CPHXL2: variants seen among roughly 807,000 people sequenced by gnomAD.
The protein encoded by CPHXL2 is cytoplasmic polyadenylated homeobox-like protein 2.
At chr16:75,668,517 G>A in the CPHXL2 span, among the ~76,000 whole-genome samples, 20 of 152,166 alleles carry the variant, frequency 1.3e-4, no homozygotes, top group South Asian at 6.2e-4. Context: ...GTAAGCCACC[G>A]CAACAGGCCT....
chr16:75,663,528 C>T, the CPHXL2 span, among the ~76,000 whole-genome samples: 6 of 152,150 alleles, frequency 3.9e-5, no homozygotes, highest in Non-Finnish European at 8.8e-5. Flanking sequence ...GCCACACCTG[C>T]CTCATTATAC....
the CPHXL2 span, among the ~76,000 whole-genome samples, chr16:75,665,651 T>G: frequency 6.6e-6 from 1 of 152,112 alleles, no homozygotes; most frequent in Non-Finnish European, 1.5e-5. Flanking sequence ...TCACTTGAGG[T>G]CAAGAGTTTG....
At chr16:75,664,642 AGAAAGAAAG>A in the CPHXL2 span, among the ~76,000 whole-genome samples, 1 of 146,016 alleles carries the variant, frequency 6.8e-6, no homozygotes, top group African/African-American at 2.6e-5. Context: ...AAAAAAAAAA[AGAAAGAAAG>A]AAAAACAAAC....
the CPHXL2 span, among the ~76,000 whole-genome samples, chr16:75,674,976 G>A: frequency 6.6e-6 from 1 of 151,758 alleles, no homozygotes; most frequent in Non-Finnish European, 1.5e-5. Flanking sequence ...AGATCACAAG[G>A]TCAGGAGTTC....
chr16:75,671,286 G>C, the CPHXL2 span, among the ~76,000 whole-genome samples: 4 of 150,426 alleles, frequency 2.7e-5, no homozygotes, highest in Non-Finnish European at 4.4e-5. Context: ...CTTGAGCCTG[G>C]GGAAGGCAGG....
At chr16:75,670,337 C>T in the CPHXL2 span, among the ~76,000 whole-genome samples, 15 of 152,240 alleles carry the variant, frequency 9.9e-5, no homozygotes, top group Admixed American at 2.0e-4. Flanking sequence ...ACTGAGGGAA[C>T]GGAATCGGAG....
the CPHXL2 span, among the ~76,000 whole-genome samples, chr16:75,663,650 G>A: frequency 2.0e-5 from 3 of 152,078 alleles, no homozygotes; most frequent in South Asian, 2.1e-4. Flanking sequence ...TTGGGAGGCC[G>A]AGGCAGGTGG....
At chr16:75,669,403 G>A in the CPHXL2 span, 1 of 400,556 alleles carries the variant, frequency 2.5e-6, no homozygotes, top group Non-Finnish European at 4.4e-6. Context: ...GTTGGCCAGT[G>A]TTTTCCTAGT....
At chr16:75,663,930 C>A in the CPHXL2 span, among the ~76,000 whole-genome samples, 14 of 146,818 alleles carry the variant, frequency 9.5e-5, no homozygotes, top group African/African-American at 3.8e-4. Flanking sequence ...CTCTTCAAGT[C>A]TGATAAGAAA....
chr16:75,673,114 G>C, the CPHXL2 span, among the ~76,000 whole-genome samples: 1 of 145,662 alleles, frequency 6.9e-6, no homozygotes, highest in Non-Finnish European at 1.5e-5. Context: ...AAAAGAAAAA[G>C]GGAACCTTGT....
the CPHXL2 span, among the ~76,000 whole-genome samples, chr16:75,667,632 C>T: frequency 6.6e-6 from 1 of 152,178 alleles, no homozygotes; most frequent in African/African-American, 2.4e-5. Context: ...AATTGTAAAG[C>T]CCTTACCACT....
At chr16:75,669,870 C>T in the CPHXL2 span, among the ~76,000 whole-genome samples, 1 of 152,236 alleles carries the variant, frequency 6.6e-6, no homozygotes, top group Admixed American at 6.5e-5. Flanking sequence ...AGTTGAGGCT[C>T]AGATGTGTCC....
chr16:75,662,410 C>T, the CPHXL2 span, among the ~76,000 whole-genome samples: 1 of 145,476 alleles, frequency 6.9e-6, no homozygotes, highest in Admixed American at 7.0e-5. Flanking sequence ...TGGTGATCAA[C>T]TTAACCATCA....
the CPHXL2 span, among the ~76,000 whole-genome samples, chr16:75,661,792 A>G: frequency 6.6e-6 from 1 of 152,092 alleles, no homozygotes; most frequent in African/African-American, 2.4e-5. Context: ...TTATTTATTG[A>G]CCATATATTT....
chr16:75,673,178 T>G, the CPHXL2 span, among the ~76,000 whole-genome samples: 429 of 151,388 alleles, frequency 2.8e-3, 1 homozygote, highest in African/African-American at 9.8e-3. Flanking sequence ...CGCATGCCTG[T>G]AATCCCAGCA....
At chr16:75,663,814 A>G in the CPHXL2 span, among the ~76,000 whole-genome samples, 570 of 143,750 alleles carry the variant, frequency 4.0e-3, 4 homozygotes, top group African/African-American at 0.014. Context: ...TGAACCTGGG[A>G]GGCGGAGCTT....
chr16:75,666,499 G>T, the CPHXL2 span, among the ~76,000 whole-genome samples: 2 of 151,274 alleles, frequency 1.3e-5, no homozygotes, highest in Non-Finnish European at 2.9e-5. Context: ...TTCCAGCTAC[G>T]TGGGAGGCTG....
At chr16:75,666,511 G>T in the CPHXL2 span, among the ~76,000 whole-genome samples, 1 of 151,456 alleles carries the variant, frequency 6.6e-6, no homozygotes, top group Non-Finnish European at 1.5e-5. Flanking sequence ...GGGAGGCTGA[G>T]GCAGGAGAAT....
chr16:75,666,357 C>G, the CPHXL2 span, among the ~76,000 whole-genome samples: 200 of 152,120 alleles, frequency 1.3e-3, no homozygotes, highest in Non-Finnish European at 2.0e-3. Flanking sequence ...CGTGGTGGCT[C>G]ACACTGTAAT....
Sources: gnomAD v4.1 joint callset for allele counts (sites outside exome capture counted in the v4.1 genomes callset) on GRCh38, gnomAD v4.1.1 for gene constraint, MANE v1.5 for transcripts, NCBI Gene and HGNC (gene_info 2026-07-23, HGNC 2026-07-21) for gene names.